PACC1: variants seen among roughly 807,000 people sequenced by gnomAD.
The protein encoded by PACC1 is proton-activated chloride channel.
A neutral mutation model predicts 39.7 loss-of-function variants in PACC1; 34 were observed. The observed-to-expected ratio is 0.86, with a 90% CI of 0.65 to 1.14. PACC1 has a LOEUF of 1.14. PACC1 is among the 50% of genes most tolerant of loss of function. The pLI is 0.00. For synonymous variants in PACC1, 127 were observed against 160.6 expected (o/e 0.79, Z 1.58); for missense variants, 379 against 436.4 (o/e 0.87, Z 1.17).
In PACC1 at chr1:212,385,394, C is replaced by A. The variant is rs769406850; in HGVS notation, c.375G>T (p.Leu125Phe). The A allele has an allele frequency of 5.0e-6, 8 of 1,614,038 alleles. No individual in the cohort carries two copies. Among genetic ancestry groups the A allele is most frequent in the Non-Finnish European group, 6.8e-6 (8 of 1,180,002 alleles). Reference sequence around the variant, plus strand: ...CCTCGTAATGGTGCTTACAGCTGAGCAACTGGGCCTGACCGGGGTACAAGG... The same window carrying A: ...CCTCGTAATGGTGCTTACAGCTGAGAAACTGGGCCTGACCGGGGTACAAGG... ...GIALYPGQAQLLSCKHHYEVI... is the reference protein window; with the variant it reads ...GIALYPGQAQFLSCKHHYEVI... Residue 125 changes from leucine to phenylalanine, a missense_variant, in exon 4 of 8, where the codon TTG becomes TTT. By Grantham distance (22) the Leu-to-Phe change is conservative (BLOSUM62 0). Transcript: ENST00000261455.
At chr1:212,368,408 G>A (rs920372054) in intron 7 of PACC1, among the ~76,000 whole-genome samples, 3 of 152,020 alleles carry the variant, frequency 2.0e-5, no homozygotes, top group African/African-American at 7.3e-5. Context: ...TGACCAATCC[G>A]GGAGAGAGAG....
intron 2 of PACC1, among the ~76,000 whole-genome samples, chr1:212,396,934 T>C (rs1037207209): frequency 1.3e-5 from 2 of 151,940 alleles, no homozygotes; most frequent in Non-Finnish European, 2.9e-5. Context: ...CATCTTCAAA[T>C]GCTGAAAGAA....
At chr1:212,368,241 A>G (rs1571624694) in intron 7 of PACC1, among the ~76,000 whole-genome samples, 1 of 152,222 alleles carries the variant, frequency 6.6e-6, no homozygotes, top group South Asian at 2.1e-4. Context: ...TCACCTTTCA[A>G]TTTGTAGAAA....
At chr1:212,370,941 C>T (rs947539523) in intron 7 of PACC1, among the ~76,000 whole-genome samples, 1 of 152,100 alleles carries the variant, frequency 6.6e-6, no homozygotes, top group Non-Finnish European at 1.5e-5. Context: ...GAAACTGAAA[C>T]TTAAATGAAA....
At chr1:212,394,592 C>T (rs1391023001) in intron 2 of PACC1, among the ~76,000 whole-genome samples, 5 of 152,090 alleles carry the variant, frequency 3.3e-5, no homozygotes, top group Admixed American at 3.3e-4. Flanking sequence ...CCAGGGCAAT[C>T]AGGCAGGAGA....
chr1:212,414,101 G>A (rs1175544388), intron 1 of PACC1: 1 of 1,514,778 alleles, frequency 6.6e-7, no homozygotes, highest in Middle Eastern at 1.8e-4. Flanking sequence ...GGACAGAGAA[G>A]AGACAAAGAA....
At position 212,385,408 on chromosome 1, in the gene PACC1, C is replaced by T. The variant is rs369443875; in HGVS notation, c.361G>A (p.Gly121Ser). The change falls in exon 4 of 8, where the codon GGT (glycine) becomes AGT (serine). Residue 121 changes from glycine to serine, a missense_variant. Physicochemically the swap from Gly to Ser is moderately conservative, Grantham distance 56. Transcript: ENST00000261455. Reference protein sequence around the residue: ...YDAPGIALYPGQAQLLSCKHH... With the variant: ...YDAPGIALYPSQAQLLSCKHH... ...TTACAGCTGAGCAACTGGGCCTGAC[C>T]GGGGTACAAGGCAATACCTGGGGGC... 57 of 1,613,786 alleles carry T rather than the reference C, an allele frequency of 3.5e-5. No homozygotes were observed. The highest frequency in any genetic ancestry group is 1.6e-4 in the Middle Eastern group (1 of 6,082).
At chr1:212,382,470 T>C (rs1660939466) in intron 4 of PACC1, among the ~76,000 whole-genome samples, 1 of 152,200 alleles carries the variant, frequency 6.6e-6, no homozygotes, top group Non-Finnish European at 1.5e-5. Context: ...AACCTTATTG[T>C]GCCAGAGCAG....
chr1:212,382,769 A>G (rs1206645003), intron 4 of PACC1, among the ~76,000 whole-genome samples: 1 of 152,234 alleles, frequency 6.6e-6, no homozygotes, highest in Non-Finnish European at 1.5e-5. Flanking sequence ...CAAGCTGTGC[A>G]GCCACCAGGG....
intron 2 of PACC1, among the ~76,000 whole-genome samples, chr1:212,394,030 C>G (rs1367306669): frequency 6.6e-6 from 1 of 151,982 alleles, no homozygotes; most frequent in East Asian, 1.9e-4. Context: ...TGGTACCATT[C>G]CTTCTGAAAC....
chr1:212,409,902 G>A (rs1264395121), intron 2 of PACC1, among the ~76,000 whole-genome samples: 1 of 152,212 alleles, frequency 6.6e-6, no homozygotes, highest in African/African-American at 2.4e-5. Context: ...AATGGAGCCT[G>A]GAAGGAGTGG....
At chr1:212,412,582 C>T (rs1662176530) in intron 1 of PACC1, among the ~76,000 whole-genome samples, 1 of 152,246 alleles carries the variant, frequency 6.6e-6, no homozygotes, top group South Asian at 2.1e-4. Context: ...CAGAACAGGC[C>T]TCTGAAGAAG....
chr1:212,405,791 G>A (rs1249456875), intron 2 of PACC1, among the ~76,000 whole-genome samples: 1 of 152,040 alleles, frequency 6.6e-6, no homozygotes, highest in Non-Finnish European at 1.5e-5. Context: ...CTATAAACTA[G>A]GACTAACCGT....
chr1:212,370,025 C>A (rs969954774), intron 7 of PACC1, among the ~76,000 whole-genome samples: 1 of 152,056 alleles, frequency 6.6e-6, no homozygotes, highest in Non-Finnish European at 1.5e-5. Flanking sequence ...ATTAATAGAT[C>A]TAAAGGGAGA....
chr1:212,389,445 G>GA (rs200014352), intron 2 of PACC1, among the ~76,000 whole-genome samples: 110 of 150,662 alleles, frequency 7.3e-4, no homozygotes, highest in African/African-American at 2.5e-3. Context: ...AATATGCCAA[G>GA]AAAAAAAAAT....
intron 1 of PACC1, among the ~76,000 whole-genome samples, chr1:212,410,990 C>T (rs1042823613): frequency 2.6e-5 from 4 of 152,208 alleles, no homozygotes; most frequent in African/African-American, 9.7e-5. Flanking sequence ...TTCACATGGT[C>T]ATCGTCTTGA....
chr1:212,402,612 G>T (rs542033376), intron 2 of PACC1, among the ~76,000 whole-genome samples: 7 of 152,248 alleles, frequency 4.6e-5, no homozygotes, highest in African/African-American at 1.4e-4. Flanking sequence ...TCTGTGGGCT[G>T]TCTTTTCACT....
rs534023358 is a variant in PACC1 at position 212,399,233 on chromosome 1, G to C, written c.133+11192C>G. On this transcript the variant is annotated intron_variant, in intron 2 of 7. Coordinates refer to ENST00000261455, the MANE Select transcript of PACC1 (RefSeq NM_018252.3). Reference sequence around the variant, plus strand: ...TAACATCTGAATCTAATTTTTAAGAGTTGACAGGGACCTAAAAGGCCATCT... The same window carrying C: ...TAACATCTGAATCTAATTTTTAAGACTTGACAGGGACCTAAAAGGCCATCT... Among the ~76,000 whole-genome samples the C allele has an allele frequency of 3.3e-5, 5 of 152,290 alleles. No homozygotes were observed. The South Asian group carries it at 1.0e-3, about 32-fold the overall frequency.
rs1451369421 is a variant in PACC1, at chr1:212,380,124, C to A, written c.496-87G>T. On this transcript the variant is annotated intron_variant, in intron 4 of 7. Coordinates refer to ENST00000261455, the MANE Select transcript of PACC1 (RefSeq NM_018252.3). ...GAGGGCAGAAGTACTGACTGGAAAG[C>A]CCATAGCTCCTTGCCCAGTGGTCTC... The A allele has an allele frequency of 8.4e-6, 12 of 1,420,842 alleles. No individual in the cohort carries two copies. In the East Asian group the frequency reaches 2.5e-4, roughly 30 times the overall value. The allele number at this position is 1,420,842 out of a possible 1,614,324, so 88.0% of individuals were successfully genotyped here.
Sources: allele counts gnomAD v4.1 joint callset (sites outside exome capture counted in the v4.1 genomes callset), GRCh38; gene constraint gnomAD v4.1.1; transcripts MANE v1.5; gene names NCBI Gene and HGNC (gene_info 2026-07-23, HGNC 2026-07-21).